Variants in ROBO1 observed in about 807,000 individuals in gnomAD.
The protein encoded by ROBO1 is roundabout homolog 1.
A neutral mutation model predicts 195.9 loss-of-function variants in ROBO1; 149 were observed. The ratio of observed to expected loss-of-function variants is 0.76; its 90% CI spans 0.67 to 0.87. The LOEUF (loss-of-function observed/expected upper bound fraction) is 0.87, where lower values mean the gene tolerates loss of function less well. Ranked by LOEUF, ROBO1 falls within the 40% of genes least tolerant of loss-of-function variation. ROBO1 has a pLI of 0.00. For missense variants in ROBO1, 1,933 were observed against 2,068.3 expected, an observed-to-expected ratio of 0.93 and a Z score of 1.27; for synonymous variants, 816 against 733.2, an observed-to-expected ratio of 1.11 and a Z score of -1.82.
intron 2 of ROBO1, among the ~76,000 whole-genome samples, chr3:79,468,718 G>T (rs1430741626): frequency 6.6e-6 from 1 of 152,000 alleles, no homozygotes; most frequent in Non-Finnish European, 1.5e-5. Flanking sequence ...CTGCCTCCAA[G>T]GAGAAAATAT....
chr3:79,492,311 G>C (rs1384140613), intron 2 of ROBO1, among the ~76,000 whole-genome samples: 1 of 151,414 alleles, frequency 6.6e-6, no homozygotes, highest in East Asian at 2.0e-4. Flanking sequence ...TGTAATCCTA[G>C]CTACTTGGGA....
chr3:79,216,397 C>A (rs1229657703), intron 2 of ROBO1, among the ~76,000 whole-genome samples: 2 of 151,862 alleles, frequency 1.3e-5, no homozygotes, highest in Non-Finnish European at 2.9e-5. Context: ...ATGATTTATT[C>A]TTGGATTTTC....
At chr3:79,537,840 C>T (rs1300466537) in intron 2 of ROBO1, among the ~76,000 whole-genome samples, 1 of 151,664 alleles carries the variant, frequency 6.6e-6, no homozygotes, top group Non-Finnish European at 1.5e-5. Context: ...CCATGGCACA[C>T]GTAAGCTATG....
intron 1 of ROBO1, among the ~76,000 whole-genome samples, chr3:79,726,299 C>T (rs1447940373): frequency 6.6e-6 from 1 of 152,176 alleles, no homozygotes; most frequent in Non-Finnish European, 1.5e-5. Context: ...TCAAGCCCTC[C>T]TCCAACCCCA....
chr3:79,300,676 C>T (rs963233078), intron 2 of ROBO1, among the ~76,000 whole-genome samples: 2 of 152,168 alleles, frequency 1.3e-5, no homozygotes, highest in African/African-American at 4.8e-5. Flanking sequence ...GCCAGCTGGG[C>T]TCCTGAGTCT....
At chr3:79,041,541 T>C (rs1172813897) in intron 3 of ROBO1, among the ~76,000 whole-genome samples, 1 of 152,166 alleles carries the variant, frequency 6.6e-6, no homozygotes, top group African/African-American at 2.4e-5. Context: ...TTAACAGTTA[T>C]ATTTTTGAAT....
chr3:79,227,535 G>T (rs1474454868), intron 2 of ROBO1, among the ~76,000 whole-genome samples: 1 of 152,016 alleles, frequency 6.6e-6, no homozygotes, highest in Non-Finnish European at 1.5e-5. Context: ...TCCTATCCTT[G>T]GCCAGCTCAG....
chr3:78,694,862 C>T (rs573895359), intron 8 of ROBO1, among the ~76,000 whole-genome samples: 1 of 152,168 alleles, frequency 6.6e-6, no homozygotes, highest in Admixed American at 6.5e-5. Context: ...TCCCATTAGA[C>T]TGAAGCAGTT....
chr3:79,232,981 T>C (rs893201978), intron 2 of ROBO1, among the ~76,000 whole-genome samples: 3 of 152,094 alleles, frequency 2.0e-5, no homozygotes, highest in Non-Finnish European at 2.9e-5. Flanking sequence ...GAATAGCCTG[T>C]TATATTTAGC....
intron 4 of ROBO1, among the ~76,000 whole-genome samples, chr3:78,791,291 C>T (rs149622026): frequency 1.4e-3 from 213 of 152,232 alleles, no homozygotes; most frequent in African/African-American, 5.1e-3. Flanking sequence ...AGATCCTCCT[C>T]TCTCCTATAG....
intron 2 of ROBO1, among the ~76,000 whole-genome samples, chr3:79,453,866 T>C (rs74553008): frequency 0.048 from 7,372 of 152,142 alleles, 490 homozygotes; most frequent in African/African-American, 0.15. Context: ...GGCAAAGTCA[T>C]GGGAGAAGAA....
At chr3:79,237,503 A>T (rs1035707747) in intron 2 of ROBO1, among the ~76,000 whole-genome samples, 18 of 152,154 alleles carry the variant, frequency 1.2e-4, no homozygotes, top group South Asian at 2.1e-4. Context: ...ATAATAATAA[A>T]AAAGATAAAA....
chr3:78,958,548 T>C (rs2041160722), intron 3 of ROBO1, among the ~76,000 whole-genome samples: 1 of 152,120 alleles, frequency 6.6e-6, no homozygotes, highest in African/African-American at 2.4e-5. Flanking sequence ...TTCCGATAAG[T>C]ACCCTCAGTT....
chr3:79,445,481 G>GTTTTT (rs34514488), intron 2 of ROBO1, among the ~76,000 whole-genome samples: 3 of 85,716 alleles, frequency 3.5e-5, no homozygotes, highest in African/African-American at 9.9e-5. Flanking sequence ...TACAGAAATT[G>GTTTTT]TTTTTTTTTT....
At chr3:78,882,223 G>A (rs115519261) in intron 4 of ROBO1, among the ~76,000 whole-genome samples, 1 of 152,134 alleles carries the variant, frequency 6.6e-6, no homozygotes, top group Non-Finnish European at 1.5e-5. Flanking sequence ...ATAGAGTCTA[G>A]TATGAATGCT....
chr3:79,190,835 C>T (rs2081527532), intron 2 of ROBO1, among the ~76,000 whole-genome samples: 1 of 151,586 alleles, frequency 6.6e-6, no homozygotes, highest in African/African-American at 2.4e-5. Context: ...ACCATTGTTT[C>T]TAGTGAAACT....
intron 4 of ROBO1, among the ~76,000 whole-genome samples, chr3:78,869,284 C>T (rs1301459285): frequency 1.3e-5 from 2 of 152,062 alleles, no homozygotes; most frequent in East Asian, 3.9e-4. Flanking sequence ...TATGGGTTGA[C>T]TCCATTTAAA....
intron 2 of ROBO1, among the ~76,000 whole-genome samples, chr3:79,290,044 T>C (rs1008216878): frequency 6.6e-6 from 1 of 152,032 alleles, no homozygotes; most frequent in East Asian, 1.9e-4. Flanking sequence ...TTCCTTTTCT[T>C]TTTTCTTTTT....
chr3:79,311,607 G>A (rs1167338566), intron 2 of ROBO1, among the ~76,000 whole-genome samples: 1 of 152,094 alleles, frequency 6.6e-6, no homozygotes, highest in Non-Finnish European at 1.5e-5. Context: ...CTAAGTAGCT[G>A]GTTGAGGAAG....
Sources: allele counts gnomAD v4.1 joint callset (sites outside exome capture counted in the v4.1 genomes callset), GRCh38; gene constraint gnomAD v4.1.1; transcripts MANE v1.5; gene names NCBI Gene and HGNC (gene_info 2026-07-23, HGNC 2026-07-21).